HVCN1: variants seen among roughly 807,000 people sequenced by gnomAD.
HVCN1 encodes hydrogen voltage gated channel 1.
In HVCN1, 14 loss-of-function variants were observed where a neutral mutation model predicts 29.2. The ratio of observed to expected loss-of-function variants is 0.48; its 90% confidence interval spans 0.32 to 0.75. HVCN1 has a LOEUF of 0.75. Ranked by LOEUF, HVCN1 falls within the 30% of genes least tolerant of loss-of-function variation. The pLI, the probability that HVCN1 is intolerant of heterozygous loss-of-function variation, is 0.04. For synonymous variants in HVCN1, 131 were observed against 133.2 expected (o/e 0.98, Z 0.11); for missense variants, 263 against 341.8 (o/e 0.77, Z 1.82).
chr12:110,691,840 A>C (rs909936844), upstream of HVCN1, among the ~76,000 whole-genome samples: 4 of 147,714 alleles, frequency 2.7e-5, no homozygotes, highest in East Asian at 1.9e-4. Flanking sequence ...CCTCTGCTCC[A>C]CGGTGCAGTG....
rs1201090877 is a variant in HVCN1 at position 110,676,362 on chromosome 12, G to C, written c.21+6863C>G. 6.6e-6 allele frequency among the ~76,000 whole-genome samples: 1 copy of C among 152,208 alleles called. No homozygotes were observed. Among genetic ancestry groups the C allele is most frequent in the Non-Finnish European group, 1.5e-5 (1 of 68,032 alleles). On this transcript the variant is annotated intron_variant, in intron 3 of 7. Transcript: ENST00000242607. The surrounding 1 kb of genome is among the most constrained non-coding windows in gnomAD (Gnocchi z 4.1). ...ACTACATCACTCCCTGTGCAGAAAA[G>C]GGCCAGCCCAGCGGTCCCGAGGCTG...
Position 110,673,944 on chromosome 12 carries a change from T to G in HVCN1, c.21+9281A>C, listed in dbSNP as rs575501510. Among the ~76,000 whole-genome samples, 17 of 152,320 alleles carry G rather than the reference T, an allele frequency of 1.1e-4. No individual in the cohort carries two copies. The Middle Eastern group carries it at 0.017, about 152-fold the overall frequency. ...GAGTCCCTTCTGGGGTATCACCTAGTAGAGCTGTGAGAAGAGGGCCACAGT... is the reference window on the plus strand; with the variant it reads ...GAGTCCCTTCTGGGGTATCACCTAGGAGAGCTGTGAGAAGAGGGCCACAGT... On this transcript the variant is annotated intron_variant, in intron 3 of 7. Coordinates refer to ENST00000242607, the MANE Select transcript of HVCN1 (RefSeq NM_032369.4).
chr12:110,696,132 T>C (rs971813096), intron 2 of HVCN1, among the ~76,000 whole-genome samples: 1 of 151,552 alleles, frequency 6.6e-6, no homozygotes, highest in African/African-American at 2.4e-5. Flanking sequence ...TTTTTTTTTT[T>C]CAGTTGAGAT....
At chr12:110,669,528 G>A (rs1330653624) in intron 3 of HVCN1, among the ~76,000 whole-genome samples, 9 of 152,226 alleles carry the variant, frequency 5.9e-5, no homozygotes, top group Admixed American at 2.6e-4. Context: ...GTTCTAGAGC[G>A]GACCACGCTC....
Position 110,676,889 on chromosome 12 carries a change from C to G in HVCN1, c.21+6336G>C, listed in dbSNP as rs998475447. The stretch of plus-strand genomic sequence containing the variant: ...GAGTCACTGACACTGGGCATAGGGT[C>G]TCGGGAACCCTGACACACTCCCTTA... On this transcript the variant is annotated intron_variant, in intron 3 of 7. Transcript: ENST00000242607. The surrounding 1 kb of genome is among the most constrained non-coding windows in gnomAD (Gnocchi z 4.1). 6.6e-6 allele frequency among the ~76,000 whole-genome samples: 1 copy of G among 152,046 alleles called. No individual in the cohort carries two copies. Among genetic ancestry groups the G allele is most frequent in the Non-Finnish European group, 1.5e-5 (1 of 68,028 alleles).
upstream of HVCN1, chr12:110,689,655 C>T (rs571674129): frequency 1.5e-4 from 23 of 152,540 alleles, no homozygotes; most frequent in African/African-American, 5.5e-4. This position sits in a 1 kb window ranked among gnomAD's most constrained non-coding sequence, Gnocchi z 5.7. Flanking sequence ...AACCTCTCAG[C>T]CCTCAGAACT....
intron 3 of HVCN1, among the ~76,000 whole-genome samples, chr12:110,669,122 T>A (rs996385260): frequency 6.6e-6 from 1 of 151,960 alleles, no homozygotes; most frequent in African/African-American, 2.4e-5. Flanking sequence ...TGACCTGATT[T>A]CTTACCTTTC....
chr12:110,694,774 G>A (rs774543786), upstream of HVCN1, among the ~76,000 whole-genome samples: 247 of 152,210 alleles, frequency 1.6e-3, 1 homozygote, highest in Non-Finnish European at 1.1e-3. The surrounding 1 kb of genome is among the most constrained non-coding windows in gnomAD (Gnocchi z 4.6). Context: ...CCTGGGCACC[G>A]ATGCCTGATG....
chr12:110,664,186 C>T (rs2068269786), intron 3 of HVCN1, among the ~76,000 whole-genome samples: 1 of 152,158 alleles, frequency 6.6e-6, no homozygotes, highest in African/African-American at 2.4e-5. Context: ...TCCCGAGTAG[C>T]TGGGATTACA....
upstream of HVCN1, among the ~76,000 whole-genome samples, chr12:110,690,354 C>A (rs75026037): frequency 6.6e-6 from 1 of 152,206 alleles, no homozygotes; most frequent in Non-Finnish European, 1.5e-5. Flanking sequence ...AGGCAACATA[C>A]AGGTTTGGAG....
intron 4 of HVCN1, among the ~76,000 whole-genome samples, chr12:110,657,029 C>T (rs2068012573): frequency 1.3e-5 from 2 of 152,130 alleles, no homozygotes; most frequent in South Asian, 4.1e-4. Flanking sequence ...CCTATGAAAT[C>T]GTCATTCTAA....
chr12:110,669,927 A>G (rs866820143), intron 3 of HVCN1, among the ~76,000 whole-genome samples: 3 of 152,218 alleles, frequency 2.0e-5, no homozygotes, highest in South Asian at 4.2e-4. Flanking sequence ...ATGGTGGCAC[A>G]TGCCTGTAAT....
At chr12:110,653,010 G>A (rs1226016633) in intron 5 of HVCN1, among the ~76,000 whole-genome samples, 2 of 152,162 alleles carry the variant, frequency 1.3e-5, no homozygotes, top group Non-Finnish European at 2.9e-5. Flanking sequence ...ATCAAGCCCT[G>A]GACCTAACCG....
chr12:110,649,624 ACAAT>A, intron 7 of HVCN1, 149 bp from the exon 8 acceptor site: 1 of 668,194 alleles, frequency 1.5e-6, no homozygotes, highest in Non-Finnish European at 2.7e-6. Context: ...GGAGACTGCT[ACAAT>A]CAGATAGGCT....
In HVCN1 at chr12:110,649,367, C is replaced by T. The variant is rs2067670681; in HGVS notation, c.*43G>A. On this transcript the variant is annotated 3_prime_UTR_variant, in exon 8 of 8. Transcript: ENST00000242607. ...GCTGTTCCTCTCGTGACAGCACAGG[C>T]CCATGAGACAGTGTCTTCTTTTTGA... is the stretch of plus-strand genomic sequence containing the variant. The T allele has an allele frequency of 2.6e-6, 4 of 1,513,932 alleles. No individual in the cohort carries two copies. The highest frequency in any genetic ancestry group is 3.7e-6 in the Non-Finnish European group (4 of 1,093,940). The allele number at this position is 1,513,932 out of a possible 1,614,324, so 93.8% of individuals were successfully genotyped here. A position where few individuals can be genotyped will look rare whatever the true frequency, so the allele number is the denominator to read the frequency against.
intron 1 of HVCN1, among the ~76,000 whole-genome samples, chr12:110,703,229 A>T (rs112155563): frequency 0.016 from 2,243 of 142,202 alleles, 48 homozygotes; most frequent in African/African-American, 0.058. Flanking sequence ...AAAAAAAAAA[A>T]ATTAAAAATT....
intron 4 of HVCN1, among the ~76,000 whole-genome samples, chr12:110,659,292 AT>A (rs1341610635): frequency 6.6e-6 from 1 of 151,042 alleles, no homozygotes; most frequent in African/African-American, 2.4e-5. Context: ...GACAGGCTCT[AT>A]TTCAGCCACA....
intron 5 of HVCN1, among the ~76,000 whole-genome samples, chr12:110,653,896 T>G (rs369391876): frequency 3.3e-5 from 5 of 152,190 alleles, no homozygotes; most frequent in African/African-American, 1.2e-4. Flanking sequence ...GTGGGACTAT[T>G]GATCTTATTT....
chr12:110,678,220 C>T (rs536197274), intron 3 of HVCN1, among the ~76,000 whole-genome samples: 1 of 152,168 alleles, frequency 6.6e-6, no homozygotes, highest in Non-Finnish European at 1.5e-5. Context: ...CCAGCTCCCC[C>T]TCCTCCTGCG....
Sources: allele counts gnomAD v4.1 joint callset (sites outside exome capture counted in the v4.1 genomes callset), GRCh38; gene constraint gnomAD v4.1.1; non-coding constraint Gnocchi (gnomAD v3.1); transcripts MANE v1.5; gene names NCBI Gene and HGNC (gene_info 2026-07-23, HGNC 2026-07-21).